Variants in IL1RAPL2 observed in about 807,000 individuals in gnomAD.
IL1RAPL2 encodes the protein interleukin 1 receptor accessory protein like 2, also known as X-linked interleukin-1 receptor accessory protein-like 2.
In IL1RAPL2, 3 loss-of-function variants were observed where a neutral mutation model predicts 44.1. The ratio of observed to expected loss-of-function variants is 0.07; its 90% confidence interval spans 0.03 to 0.18. IL1RAPL2 has a LOEUF of 0.18. Ranked by LOEUF, IL1RAPL2 falls within the 10% of genes least tolerant of loss-of-function variation. The probability of loss-of-function intolerance (pLI) is 1.00; values close to 1 mark genes in which losing one functional copy is unlikely to be tolerated. For missense variants in IL1RAPL2, 391 were observed against 496.4 expected, an observed-to-expected ratio of 0.79 and a Z score of 2.02; for synonymous variants, 181 against 178.8, an observed-to-expected ratio of 1.01 and a Z score of -0.10.
chrX:104,665,066 T>A (rs1324631024), intron 2 of IL1RAPL2, among the ~76,000 whole-genome samples: 3 of 111,779 alleles, frequency 2.7e-5, no homozygotes, highest in Non-Finnish European at 5.7e-5. Context: ...GTGGTCATGT[T>A]ATTAATTCAA....
At chrX:105,489,787 TTCTCTCTCTCTCTCTCTCTC>T (rs36081932) in intron 6 of IL1RAPL2, among the ~76,000 whole-genome samples, 5 of 73,373 alleles carry the variant, frequency 6.8e-5, no homozygotes, top group Non-Finnish European at 1.3e-4. Context: ...CTTTCTCTCT[TTCTCTCTCTCTCTCTCTCTC>T]TCTCTCTCTC....
intron 7 of IL1RAPL2, among the ~76,000 whole-genome samples, chrX:105,722,248 A>G (rs1461283696): frequency 8.9e-6 from 1 of 111,971 alleles, no homozygotes; most frequent in Non-Finnish European, 1.9e-5. Context: ...ACAGTAAAAT[A>G]CAGTGTTATA....
chrX:105,454,437 G>T (rs2036041152), intron 5 of IL1RAPL2, among the ~76,000 whole-genome samples: 2 of 110,925 alleles, frequency 1.8e-5, no homozygotes, highest in South Asian at 7.7e-4. Flanking sequence ...AACACAAAAG[G>T]CTATAATGTC....
intron 4 of IL1RAPL2, among the ~76,000 whole-genome samples, chrX:105,243,148 A>G (rs1339022264): frequency 6.3e-5 from 7 of 110,795 alleles, no homozygotes; most frequent in African/African-American, 2.0e-4. Context: ...TCCCCACCCA[A>G]ATCTCATCAG....
intron 1 of IL1RAPL2, among the ~76,000 whole-genome samples, chrX:104,648,746 A>G (rs1311775878): frequency 1.8e-5 from 2 of 111,576 alleles, no homozygotes; most frequent in Non-Finnish European, 3.8e-5. Flanking sequence ...TAATGGTCAG[A>G]ACTCAAGATT....
intron 3 of IL1RAPL2, among the ~76,000 whole-genome samples, chrX:105,214,807 G>A (rs782329770): frequency 4.5e-5 from 5 of 111,872 alleles, no homozygotes; most frequent in African/African-American, 1.3e-4. Flanking sequence ...TAGAGCTCAA[G>A]GTTAAGAAAC....
intron 3 of IL1RAPL2, among the ~76,000 whole-genome samples, chrX:105,226,493 G>C (rs2034016944): frequency 1.0e-5 from 1 of 100,119 alleles, no homozygotes; most frequent in African/African-American, 3.8e-5. Flanking sequence ...CGCCTCCTGG[G>C]TTCAAGTGAT....
At chrX:105,550,029 A>G (rs576107636) in intron 6 of IL1RAPL2, among the ~76,000 whole-genome samples, 13 of 112,204 alleles carry the variant, frequency 1.2e-4, no homozygotes, top group South Asian at 7.4e-4. Flanking sequence ...AGATATATTT[A>G]TATGTTAGGA....
At chrX:105,031,674 A>G (rs1384866385) in intron 2 of IL1RAPL2, among the ~76,000 whole-genome samples, 1 of 111,866 alleles carries the variant, frequency 8.9e-6, no homozygotes, top group African/African-American at 3.3e-5. Context: ...TTTTGCATCA[A>G]TGTTTATCAA....
At chrX:104,654,287 T>A (rs761801399) in intron 1 of IL1RAPL2, among the ~76,000 whole-genome samples, 1 of 111,589 alleles carries the variant, frequency 9.0e-6, no homozygotes, top group Non-Finnish European at 1.9e-5. Context: ...ATCAGTCTTA[T>A]GAATAAAACA....
intron 2 of IL1RAPL2, among the ~76,000 whole-genome samples, chrX:105,075,206 G>A (rs1266703840): frequency 9.0e-6 from 1 of 111,414 alleles, no homozygotes; most frequent in Non-Finnish European, 1.9e-5. Flanking sequence ...ATTATTTTGA[G>A]ATATGTTCCA....
At chrX:105,580,297 G>A (rs760551919) in intron 6 of IL1RAPL2, among the ~76,000 whole-genome samples, 16 of 109,980 alleles carry the variant, frequency 1.5e-4, no homozygotes, top group Non-Finnish European at 2.1e-4. Context: ...TTCCTAGGCC[G>A]TGTTTATGCC....
At chrX:105,495,393 A>G (rs2036349852) in intron 6 of IL1RAPL2, among the ~76,000 whole-genome samples, 1 of 112,300 alleles carries the variant, frequency 8.9e-6, no homozygotes, top group Non-Finnish European at 1.9e-5. Flanking sequence ...GTAATAGTAT[A>G]TTCATCAAGT....
rs184278289 is a variant in IL1RAPL2, at chrX:105,198,259, T to G, written c.356+2511T>G. ...AATGATTTACATTCCTTTGGGTATA[T>G]ACCCAATAATGAGATTGCTGGGTTG... On this transcript the variant is annotated intron_variant, in intron 3 of 10. Transcript: ENST00000372582. Among the ~76,000 whole-genome samples, 13 of 112,062 alleles carry G rather than the reference T, an allele frequency of 1.2e-4. No individual in the cohort carries two copies. The East Asian group carries it at 3.4e-3, about 29-fold the overall frequency.
chrX:105,295,962 A>T (rs896574656), intron 5 of IL1RAPL2, among the ~76,000 whole-genome samples: 17 of 110,959 alleles, frequency 1.5e-4, no homozygotes, highest in Non-Finnish European at 2.5e-4. Context: ...ATACCAATTC[A>T]TCTTATACCC....
rs867088685 is a variant in IL1RAPL2 at position 104,662,927 on chromosome X, T to A, written c.82+3932T>A. ...TCTTACAGTCAGTTCATCTGGAGGATGATCTAGCACAAAAACTTCTCAGTG... is the reference window on the plus strand; with the variant it reads ...TCTTACAGTCAGTTCATCTGGAGGAAGATCTAGCACAAAAACTTCTCAGTG... On this transcript the variant is annotated intron_variant, in intron 2 of 10. Transcript: ENST00000372582. Among the ~76,000 whole-genome samples the A allele has an allele frequency of 2.1e-4, 23 of 111,650 alleles. 1 individual carries two copies. In the Middle Eastern group the frequency reaches 0.023, roughly 112 times the overall value.
At chrX:105,440,852 T>C (rs2035915643) in intron 5 of IL1RAPL2, among the ~76,000 whole-genome samples, 1 of 111,361 alleles carries the variant, frequency 9.0e-6, no homozygotes, top group South Asian at 3.8e-4. Context: ...CATACTGTTC[T>C]TGTGGTAGTG....
chrX:105,529,302 T>C (rs960136234), intron 6 of IL1RAPL2, among the ~76,000 whole-genome samples: 1 of 111,386 alleles, frequency 9.0e-6, no homozygotes, highest in Non-Finnish European at 1.9e-5. Context: ...AAAAGCATTT[T>C]TTTATCCTTT....
chrX:104,717,054 A>G (rs752667709), intron 2 of IL1RAPL2, among the ~76,000 whole-genome samples: 1 of 112,356 alleles, frequency 8.9e-6, no homozygotes, highest in Non-Finnish European at 1.9e-5. Flanking sequence ...GGATAAAGAA[A>G]ATGTGGTACA....
Sources: allele counts gnomAD v4.1 joint callset (sites outside exome capture counted in the v4.1 genomes callset), GRCh38; gene constraint gnomAD v4.1.1; transcripts MANE v1.5; gene names NCBI Gene and HGNC (gene_info 2026-07-23, HGNC 2026-07-21).